The following CSMD1 variants were observed in gnomAD, a reference collection of about 807,000 sequenced individuals.
CSMD1 encodes the protein CUB and sushi domain-containing protein 1.
A neutral mutation model predicts 417.5 loss-of-function variants in CSMD1; 213 were observed. The ratio of observed to expected loss-of-function variants is 0.51; its 90% CI spans 0.46 to 0.57. CSMD1 has a LOEUF of 0.57. Ranked by LOEUF, CSMD1 falls within the 20% of genes least tolerant of loss-of-function variation. The probability of loss-of-function intolerance (pLI) is 0.00; values close to 1 mark genes in which losing one functional copy is unlikely to be tolerated. For missense variants in CSMD1, 6,923 were observed against 4,529.7 expected (o/e 1.53, Z -15.17); for synonymous variants, 2,862 against 1,736.8 (o/e 1.65, Z -16.11).
At chr8:3,170,256 G>A (rs1221722659) in intron 37 of CSMD1, among the ~76,000 whole-genome samples, 1 of 152,148 alleles carries the variant, frequency 6.6e-6, no homozygotes, top group Non-Finnish European at 1.5e-5. Flanking sequence ...GGCCCAGGCT[G>A]GAGTGCAGTG....
chr8:4,098,729 C>G (rs1312872438), intron 3 of CSMD1, among the ~76,000 whole-genome samples: 2 of 152,162 alleles, frequency 1.3e-5, no homozygotes, highest in East Asian at 3.9e-4. Flanking sequence ...TTCCATTCAG[C>G]AATATTTATC....
At chr8:3,104,914 C>A (rs1320706451) in intron 46 of CSMD1, among the ~76,000 whole-genome samples, 1 of 152,144 alleles carries the variant, frequency 6.6e-6, no homozygotes, top group East Asian at 1.9e-4. Context: ...CCCTGTTGGT[C>A]AGGCTGGTCT....
chr8:3,329,623 G>A (rs1017959883), intron 23 of CSMD1, among the ~76,000 whole-genome samples: 2 of 152,162 alleles, frequency 1.3e-5, no homozygotes, highest in Non-Finnish European at 1.5e-5. Context: ...ACAGGTTGGA[G>A]CTCAGGCTAC....
chr8:4,745,933 A>T (rs1479357188), intron 1 of CSMD1, among the ~76,000 whole-genome samples: 1 of 152,176 alleles, frequency 6.6e-6, no homozygotes, highest in Non-Finnish European at 1.5e-5. Flanking sequence ...TTGAGCCACC[A>T]TTTCCCCATT....
chr8:3,140,247 A>AAG (rs755829324), intron 41 of CSMD1, among the ~76,000 whole-genome samples: 2 of 152,110 alleles, frequency 1.3e-5, no homozygotes, highest in Admixed American at 6.5e-5. Context: ...TCCATTGAAA[A>AAG]AGAGAGAGAG....
intron 3 of CSMD1, among the ~76,000 whole-genome samples, chr8:4,112,762 T>G (rs1007569602): frequency 3.3e-5 from 5 of 152,224 alleles, no homozygotes; most frequent in African/African-American, 1.2e-4. Context: ...CCTTAAATGC[T>G]CCAGCTTATG....
intron 3 of CSMD1, among the ~76,000 whole-genome samples, chr8:4,371,185 G>T (rs1269527534): frequency 6.6e-6 from 1 of 152,090 alleles, no homozygotes; most frequent in Admixed American, 6.6e-5. Flanking sequence ...ATACTTTAGG[G>T]GTCAAGGCTC....
chr8:3,386,394 G>C lies in CSMD1; in HGVS notation c.2782+1100C>G, dbSNP rs550358150. On this transcript the variant is annotated intron_variant, in intron 18 of 69. Transcript: ENST00000635120. The stretch of plus-strand genomic sequence containing the variant: ...CATTCCCACCGGTTCCAGCTGGTTC[G>C]CACACTTCCCACACTTCCTGAGAGG... Among the ~76,000 whole-genome samples, 32 of 152,190 alleles carry C rather than the reference G, an allele frequency of 2.1e-4. 2 individuals are homozygous for C. The South Asian group carries it at 6.0e-3, about 29-fold the overall frequency.
chr8:3,523,814 C>G (rs1797623410), intron 10 of CSMD1, among the ~76,000 whole-genome samples: 1 of 150,988 alleles, frequency 6.6e-6, no homozygotes, highest in African/African-American at 2.4e-5. Flanking sequence ...CACATACACA[C>G]ACGCACATAT....
At chr8:4,303,234 A>G (rs4875315) in intron 3 of CSMD1, among the ~76,000 whole-genome samples, 30,059 of 152,042 alleles carry the variant, frequency 0.2, 3,076 homozygotes, top group Non-Finnish European at 0.21. Context: ...TCTATTTCAG[A>G]TAAGTATTCT....
intron 3 of CSMD1, among the ~76,000 whole-genome samples, chr8:4,176,727 G>A (rs1347982582): frequency 6.7e-6 from 1 of 150,314 alleles, no homozygotes; most frequent in Non-Finnish European, 1.5e-5. Context: ...ATAAAAGGAT[G>A]GAGGAAGATC....
intron 42 of CSMD1, among the ~76,000 whole-genome samples, chr8:3,111,560 G>C (rs979060211): frequency 6.6e-6 from 1 of 152,076 alleles, no homozygotes; most frequent in East Asian, 1.9e-4. Flanking sequence ...GGCTGGGCAC[G>C]GTGGCTCACT....
chr8:4,182,587 A>C (rs1188621764), intron 3 of CSMD1, among the ~76,000 whole-genome samples: 1 of 152,184 alleles, frequency 6.6e-6, no homozygotes, highest in Non-Finnish European at 1.5e-5. Context: ...AGAATTTAGC[A>C]TTCTACTCTG....
At position 4,637,635 on chromosome 8, in the gene CSMD1, C is replaced by G. The variant is rs377703963; in HGVS notation, c.86-77G>C. On this transcript the variant is annotated intron_variant, in intron 1 of 69. Transcript: ENST00000635120. Reference sequence around the variant, plus strand: ...CTGTGATTTAAAAAATTTCTAAACACTTTAGCCAATTTTTTTTTTTTTTTT... The same window carrying G: ...CTGTGATTTAAAAAATTTCTAAACAGTTTAGCCAATTTTTTTTTTTTTTTT... 1.0e-3 allele frequency: 523 copies of G among 505,678 alleles called. 5 individuals carry two copies. In the African/African-American group the frequency reaches 0.01, roughly 10 times the overall value. The allele number at this position is 505,678 out of a possible 1,614,324, so 31.3% of individuals were successfully genotyped here. A position where few individuals can be genotyped will look rare whatever the true frequency, so the allele number is the denominator to read the frequency against.
At chr8:4,937,567 A>C (rs1317780629) in intron 1 of CSMD1, among the ~76,000 whole-genome samples, 1 of 152,236 alleles carries the variant, frequency 6.6e-6, no homozygotes, top group Non-Finnish European at 1.5e-5. Context: ...TTCTGTCAGC[A>C]TGACAAAGAA....
chr8:4,285,504 A>T (rs2128863188), intron 3 of CSMD1, among the ~76,000 whole-genome samples: 2 of 152,320 alleles, frequency 1.3e-5, no homozygotes, highest in Middle Eastern at 6.8e-3. Flanking sequence ...TATAAAGAGG[A>T]TGAAGACAGA....
chr8:3,167,563 G>A (rs560745748), intron 37 of CSMD1, among the ~76,000 whole-genome samples: 3 of 152,190 alleles, frequency 2.0e-5, no homozygotes, highest in Non-Finnish European at 4.4e-5. Flanking sequence ...GATACATTTT[G>A]TGTTCAATTC....
chr8:4,845,060 T>C (rs7003077), intron 1 of CSMD1, among the ~76,000 whole-genome samples: 31,292 of 121,726 alleles, frequency 0.26, 3,706 homozygotes, highest in East Asian at 0.49. Context: ...CTAAATAATG[T>C]AAAAACTATC....
At chr8:4,162,725 A>G (rs539764890) in intron 3 of CSMD1, among the ~76,000 whole-genome samples, 1 of 152,234 alleles carries the variant, frequency 6.6e-6, no homozygotes, top group South Asian at 2.1e-4. Context: ...ATTTGTTCCA[A>G]TCGATGAACT....
Sources: gnomAD v4.1 joint callset for allele counts (sites outside exome capture counted in the v4.1 genomes callset) on GRCh38, gnomAD v4.1.1 for gene constraint, MANE v1.5 for transcripts, NCBI Gene and HGNC (gene_info 2026-07-23, HGNC 2026-07-21) for gene names.